Variants in ARHGAP33 observed in about 807,000 individuals in gnomAD.
ARHGAP33 encodes Rho GTPase activating protein 33.
ARHGAP33 carries 57 observed loss-of-function variants against 126.2 expected under a neutral mutation model. The ratio of observed to expected loss-of-function variants is 0.45; its 90% CI spans 0.36 to 0.56. The LOEUF is 0.56. Among genes scored for constraint, ARHGAP33 ranks in the 20% least tolerant of loss-of-function variants. ARHGAP33 has a pLI of 0.00. For missense variants in ARHGAP33, 1,500 were observed against 1,748.3 expected, an observed-to-expected ratio of 0.86 and a Z score of 2.53; for synonymous variants, 711 against 755.0, an observed-to-expected ratio of 0.94 and a Z score of 0.95.
Position 35,781,084 on chromosome 19 carries a change from G to GGGGGCCCCCC in ARHGAP33, c.982+12_982+13insGGGGCCCCCC. 1 of 1,607,590 alleles carries GGGGGCCCCCC rather than the reference G, an allele frequency of 6.2e-7. No individual in the cohort carries two copies. Among genetic ancestry groups the GGGGGCCCCCC allele is most frequent in the Non-Finnish European group, 8.5e-7 (1 of 1,176,512 alleles). On this transcript the variant is annotated intron_variant, in intron 11 of 20. Coordinates refer to ENST00000007510, the MANE Select transcript of ARHGAP33 (RefSeq NM_001366178.1). Reference sequence around the variant, plus strand: ...CTCAGGCCAGGATGGTGAGGCCGGGGCCCACCCACCCCACCCGTCACACCA... The same window carrying GGGGGCCCCCC: ...CTCAGGCCAGGATGGTGAGGCCGGGGGGGGCCCCCCCCCACCCACCCCACCCGTCACACCA...
intron 6 of ARHGAP33, chr19:35,779,945 C>G (rs890660312): frequency 1.7e-6 from 1 of 578,376 alleles, no homozygotes; most frequent in African/African-American, 1.8e-5. Context: ...GATGGGGAAG[C>G]CTTCAGGTGG....
chr19:35,780,147 C>A, intron 6 of ARHGAP33, 64 bp from the exon 7 acceptor site: 1 of 1,591,276 alleles, frequency 6.3e-7, no homozygotes. Flanking sequence ...CGCGGAGGAG[C>A]TTGGTATGCC....
Position 35,787,148 on chromosome 19 carries a change from C to T in ARHGAP33, c.2603-20C>T, listed in dbSNP as rs1004556940. On this transcript the variant is annotated intron_variant, in intron 20 of 20. Coordinates refer to ENST00000007510, the MANE Select transcript of ARHGAP33 (RefSeq NM_001366178.1). Reference sequence around the variant, plus strand: ...TGAGGGCCTGGCCCCAGCTGAACCCCTCTCCATTCATTTATATAGGTCCTG... The same window carrying T: ...TGAGGGCCTGGCCCCAGCTGAACCCTTCTCCATTCATTTATATAGGTCCTG... 5 of 1,607,634 alleles carry T rather than the reference C, an allele frequency of 3.1e-6. No homozygotes were observed. In the African/African-American group the frequency reaches 6.7e-5, roughly 22 times the overall value.
In ARHGAP33 at chr19:35,778,261, C is replaced by T. The variant is rs138067561; in HGVS notation, c.190-19C>T. Reference sequence around the variant, plus strand: ...GGACTGGGACAAAAGTCCACCTGGGCCTTGCTTTCCCTCTGCAGCTCCTGC... The same window carrying T: ...GGACTGGGACAAAAGTCCACCTGGGTCTTGCTTTCCCTCTGCAGCTCCTGC... On this transcript the variant is annotated intron_variant, in intron 3 of 20. Coordinates refer to ENST00000007510, the MANE Select transcript of ARHGAP33 (RefSeq NM_001366178.1). The T allele has an allele frequency of 7.9e-4, 1,269 of 1,613,842 alleles. 9 individuals carry two copies. In the African/African-American group the frequency reaches 0.013, roughly 16 times the overall value.
rs201575899 is a variant in ARHGAP33 at position 35,787,362 on chromosome 19, C to T, written c.2797C>T (p.Arg933Cys). ...TPPASQSPFH[R>C]SLSLEVGGEP... is the part of the protein sequence containing the mutation. ...ACCTGCTTCCCAATCCCCCTTCCACCGCTCGCTGTCTCTGGAGGTGGGCGG... is the reference window on the plus strand; with the variant it reads ...ACCTGCTTCCCAATCCCCCTTCCACTGCTCGCTGTCTCTGGAGGTGGGCGG... Residue 933 changes from arginine to cysteine, a missense_variant, in exon 21 of 21, where the codon CGC (arginine) becomes TGC (cysteine). Around this residue, in one of 6 missense-constraint regions of ARHGAP33, gnomAD observed 642 missense variants for 634.0 expected, o/e 1.01. Transcript: ENST00000007510. The T allele has an allele frequency of 1.1e-3, 1,777 of 1,609,990 alleles. 26 individuals are homozygous for T. In the South Asian group the frequency reaches 0.018, roughly 16 times the overall value.
rs764632326 is a variant in ARHGAP33, at chr19:35,782,829, G to T, written c.1381G>T (p.Ala461Ser). 6 of 1,613,870 alleles carry T rather than the reference G, an allele frequency of 3.7e-6. No individual in the cohort carries two copies. The South Asian group carries it at 6.6e-5, about 18-fold the overall frequency. ...ARHSANTSMH[A>S]RNLAIVWAPN... ...ACACAGTGCCAACACCAGCATGCAT[G>T]CCCGCAACCTGGCCATTGTCTGGGC... Residue 461 changes from alanine to serine, a missense_variant, in exon 15 of 21, where the codon GCC becomes TCC. Physicochemically the swap from Ala to Ser is moderately conservative, Grantham distance 99. Coordinates refer to ENST00000007510, the MANE Select transcript of ARHGAP33 (RefSeq NM_001366178.1). The surrounding 1 kb of genome is among the most constrained non-coding windows in gnomAD (Gnocchi z 4.1).
intron 12 of ARHGAP33, among the ~76,000 whole-genome samples, chr19:35,781,612 A>T (rs1218764275): frequency 2.6e-5 from 4 of 152,172 alleles, no homozygotes; most frequent in African/African-American, 9.7e-5. Context: ...GGTAAGGAGG[A>T]TGGCGACGAA....
Position 35,784,956 on chromosome 19 carries a change from G to T in ARHGAP33, c.1571G>T (p.Arg524Leu). 2 of 1,539,682 alleles carry T rather than the reference G, an allele frequency of 1.3e-6. No homozygotes were observed. The highest frequency in any genetic ancestry group is 2.4e-5 in the East Asian group (1 of 40,848). ...FTSAGLDPAG[R>L]CLLPRPKSLA... Reference sequence around the variant, plus strand: ...GCCCCCTTTCCACACTCCCCAGGCCGCTGCCTGCTCCCCAGGCCCAAGTCC... The same window carrying T: ...GCCCCCTTTCCACACTCCCCAGGCCTCTGCCTGCTCCCCAGGCCCAAGTCC... The change falls in exon 17 of 21, where the codon CGC (arginine) becomes CTC (leucine). Residue 524 changes from arginine to leucine, a missense_variant. Physicochemically the swap from Arg to Leu is moderately radical, Grantham distance 102. Transcript: ENST00000007510.
At chr19:35,778,972 G>C (rs534600067) in intron 5 of ARHGAP33, 60 bp from the exon 6 acceptor site, 673 of 1,372,250 alleles carry the variant, frequency 4.9e-4, no homozygotes, top group South Asian at 1.9e-3. Context: ...GGCAGTGTGG[G>C]AGGGCAGTGG....
At chr19:35,783,301 C>T (rs902902954) in intron 15 of ARHGAP33, among the ~76,000 whole-genome samples, 1 of 152,176 alleles carries the variant, frequency 6.6e-6, no homozygotes, top group South Asian at 2.1e-4. Context: ...AGTTCACAGT[C>T]TTCTGGGGGC....
chr19:35,784,172 G>T lies in ARHGAP33; in HGVS notation c.1422G>T (p.Arg474=). 6.2e-7 allele frequency: 1 copy of T among 1,609,316 alleles called. No homozygotes were observed. ...CCTCCCTCCCGCTCCTCCCACCCAG[G>T]TCCATGGAGCTGGAGTCAGTGGGAA... is the stretch of plus-strand genomic sequence containing the variant. The part of the protein sequence containing the change: ...LAIVWAPNLL[R]SMELESVGMG... The change falls in exon 16 of 21, where the codon CGG becomes CGT. Residue 474 remains arginine, a splice_region_variant and synonymous_variant. Coordinates refer to ENST00000007510, the MANE Select transcript of ARHGAP33 (RefSeq NM_001366178.1).
At position 35,785,440 on chromosome 19, in the gene ARHGAP33, T is replaced by C. The variant is rs774931758; in HGVS notation, c.1899T>C (p.Ser633=). ...GSRPDTVTLR[S]AKSEESLSSQ... ...GACCCGACACCGTCACACTGAGATC[T>C]GCCAAGAGCGAGGAGTCTCTGTCAT... The change falls in exon 19 of 21, where the codon TCT becomes TCC. Residue 633 remains serine, a synonymous_variant. Transcript: ENST00000007510. 9.3e-6 allele frequency: 15 copies of C among 1,614,052 alleles called. No homozygotes were observed. The East Asian group carries it at 3.1e-4, about 34-fold the overall frequency.
At chr19:35,779,231 G>A in intron 6 of ARHGAP33, 107 bp downstream of exon 6, 1 of 834,204 alleles carries the variant, frequency 1.2e-6, no homozygotes, top group Non-Finnish European at 1.9e-6. Context: ...AGGAGCCAGA[G>A]TGGAGGAGGC....
Position 35,780,967 on chromosome 19 carries a change from A to T in ARHGAP33, c.877A>T (p.Met293Leu), listed in dbSNP as rs766943681. Residue 293 changes from methionine to leucine, a missense_variant, in exon 11 of 21, where the codon ATG becomes TTG. This residue lies in a region of ARHGAP33 where 281 missense variants were observed against 413.7 expected (regional missense o/e 0.68). Coordinates refer to ENST00000007510, the MANE Select transcript of ARHGAP33 (RefSeq NM_001366178.1). ...GCTGGCCGGCCTGCTCCGCACCTTC[A>T]TGCGCTCCCGCCCTTCTCGGCAGCG... ...GKLAGLLRTFMRSRPSRQRLR... is the reference protein window; with the variant it reads ...GKLAGLLRTFLRSRPSRQRLR... The T allele has an allele frequency of 6.2e-7, 1 of 1,610,072 alleles. No homozygotes were observed. The highest frequency in any genetic ancestry group is 8.5e-7 in the Non-Finnish European group (1 of 1,179,870).
At position 35,784,974 on chromosome 19, in the gene ARHGAP33, C is replaced by G; in HGVS notation, c.1589C>G (p.Pro530Arg). ...DPAGRCLLPR[P>R]KSLAGSCPST... ...CCAGGCCGCTGCCTGCTCCCCAGGC[C>G]CAAGTCCCTTGCGGGCAGCTGCCCC... is the stretch of plus-strand genomic sequence containing the variant. The change falls in exon 17 of 21, where the codon CCC (proline) becomes CGC (arginine). Residue 530 changes from proline (P) to arginine (R), a missense_variant. By Grantham distance (103) the Pro-to-Arg change is moderately radical. Coordinates refer to ENST00000007510, the MANE Select transcript of ARHGAP33 (RefSeq NM_001366178.1). 1 of 1,544,208 alleles carries G rather than the reference C, an allele frequency of 6.5e-7. No homozygotes were observed. The highest frequency in any genetic ancestry group is 1.2e-5 in the South Asian group (1 of 83,946).
intron 19 of ARHGAP33, 184 bp downstream of exon 19, chr19:35,785,667 C>A: frequency 1.4e-6 from 2 of 1,430,432 alleles, no homozygotes; most frequent in Non-Finnish European, 9.1e-7. Flanking sequence ...TCATCACACA[C>A]TGAACTTAAC....
In ARHGAP33 at chr19:35,782,309, G is replaced by A. The variant is rs1000943872; in HGVS notation, c.1086-64G>A. 2.6e-6 allele frequency: 4 copies of A among 1,555,426 alleles called. No homozygotes were observed. Among genetic ancestry groups the A allele is most frequent in the Admixed American group, 3.5e-5 (2 of 57,820 alleles). On this transcript the variant is annotated intron_variant, in intron 12 of 20. Coordinates refer to ENST00000007510, the MANE Select transcript of ARHGAP33 (RefSeq NM_001366178.1). This position sits in a 1 kb window ranked among gnomAD's most constrained non-coding sequence, Gnocchi z 4.1. ...GCACTTGGGGGTAGGGGCAAGGGGA[G>A]CATGGCCACGTGAGCGAGCCCCTCT...
At chr19:35,780,049 G>C (rs1971669093) in intron 6 of ARHGAP33, 162 bp from the exon 7 acceptor site, 1 of 993,808 alleles carries the variant, frequency 1.0e-6, no homozygotes, top group Non-Finnish European at 1.6e-6. Flanking sequence ...TGCCAGGGCT[G>C]CATCCCTACA....
chr19:35,780,095 T>C (rs977658894), intron 6 of ARHGAP33, 116 bp from the exon 7 acceptor site: 16 of 1,403,936 alleles, frequency 1.1e-5, no homozygotes, highest in Non-Finnish European at 1.5e-5. Context: ...TAGCTCTGAG[T>C]GACAGGGGCT....
Sources: gnomAD v4.1 joint callset for allele counts (sites outside exome capture counted in the v4.1 genomes callset) on GRCh38, gnomAD v4.1.1 for gene constraint, gnomAD v4.1.1 regional missense constraint, Gnocchi (gnomAD v3.1) non-coding constraint, MANE v1.5 for transcripts, NCBI Gene and HGNC (gene_info 2026-07-23, HGNC 2026-07-21) for gene names.